FUT8: variants seen among roughly 807,000 people sequenced by gnomAD.
FUT8 encodes alpha-(1,6)-fucosyltransferase.
In FUT8, 29 loss-of-function variants were observed where a neutral mutation model predicts 71.3. That is an observed-to-expected ratio of 0.41 (90% CI 0.30 to 0.55). The LOEUF is 0.55. Ranked by LOEUF, FUT8 falls within the 20% of genes least tolerant of loss-of-function variation. The probability of loss-of-function intolerance (pLI) is 0.34; values close to 1 mark genes in which losing one functional copy is unlikely to be tolerated. For missense variants in FUT8, 544 were observed against 702.1 expected (o/e 0.77, Z 2.55); for synonymous variants, 254 against 239.3 (o/e 1.06, Z -0.57).
chr14:65,557,285 G>A (rs546567370), intron 2 of FUT8, among the ~76,000 whole-genome samples: 55 of 151,326 alleles, frequency 3.6e-4, no homozygotes, highest in African/African-American at 1.3e-3. Context: ...CCTTAAAAAG[G>A]TGATATCAAT....
Position 65,587,995 on chromosome 14 carries a change from A to T in FUT8, c.203+26229A>T, listed in dbSNP as rs1887483009. Among the ~76,000 whole-genome samples, 4 of 152,370 alleles carry T rather than the reference A, an allele frequency of 2.6e-5. No homozygotes were observed. The South Asian group carries it at 6.2e-4, about 24-fold the overall frequency. On this transcript the variant is annotated intron_variant, in intron 3 of 10. Transcript: ENST00000673929. ...ATCCATTTTTACTGATAATTAATGT[A>T]TTCACTTGTGTTCTGAAGAAATTTG... is the stretch of plus-strand genomic sequence containing the variant.
chr14:65,403,078 G>A, the FUT8 span, among the ~76,000 whole-genome samples: 6 of 152,080 alleles, frequency 3.9e-5, no homozygotes, highest in Non-Finnish European at 7.4e-5. Context: ...TCTTGATTTT[G>A]GATTTAGATC....
Position 65,616,026 on chromosome 14 carries a change from C to A in FUT8, c.252C>A (p.Arg84=). Reference sequence around the variant, plus strand: ...AGGGGCCAGCTATAGGAAGAGTACGCGTTTTAGAAGAGCAGCTTGTTAAGG... The same window carrying A: ...AGGGGCCAGCTATAGGAAGAGTACGAGTTTTAGAAGAGCAGCTTGTTAAGG... ...IDQGPAIGRV[R]VLEEQLVKAK... is the part of the protein sequence containing the mutation. The change falls in exon 4 of 11, where the codon CGC becomes CGA. Residue 84 remains arginine, a synonymous_variant. Transcript: ENST00000673929. The A allele has an allele frequency of 1.2e-6, 2 of 1,613,948 alleles. No homozygotes were observed. Among genetic ancestry groups the A allele is most frequent in the African/African-American group, 1.3e-5 (1 of 75,022 alleles).
Position 65,550,852 on chromosome 14 carries a change from T to G in FUT8, c.-227-10485T>G, listed in dbSNP as rs2140002900. Reference sequence around the variant, plus strand: ...TATTTTTGGCAAAGTAATTAATACTTTATTCAACTGTACTTCTGTTGATGG... The same window carrying G: ...TATTTTTGGCAAAGTAATTAATACTGTATTCAACTGTACTTCTGTTGATGG... On this transcript the variant is annotated intron_variant, in intron 2 of 10. Transcript: ENST00000673929. The surrounding 1 kb of genome is among the most constrained non-coding windows in gnomAD (Gnocchi z 4.5). 6.6e-6 allele frequency among the ~76,000 whole-genome samples: 1 copy of G among 152,330 alleles called. No homozygotes were observed. The highest frequency in any genetic ancestry group is 2.1e-4 in the South Asian group (1 of 4,832).
At chr14:65,565,313 G>A (rs1886133004) in intron 3 of FUT8, among the ~76,000 whole-genome samples, 1 of 151,738 alleles carries the variant, frequency 6.6e-6, no homozygotes, top group South Asian at 2.1e-4. Context: ...ATACTGCCAT[G>A]TTGGGGATCA....
intron 3 of FUT8, among the ~76,000 whole-genome samples, chr14:65,572,847 T>G (rs1197014251): frequency 6.6e-6 from 1 of 152,160 alleles, no homozygotes; most frequent in Non-Finnish European, 1.5e-5. Flanking sequence ...CTATTATAGC[T>G]AGAGACTTCA....
chr14:65,565,397 A>T (rs1403520740), intron 3 of FUT8, among the ~76,000 whole-genome samples: 2 of 151,174 alleles, frequency 1.3e-5, no homozygotes, highest in African/African-American at 2.4e-5. Context: ...TTTTTTTTTA[A>T]TCCATTCACC....
At chr14:65,455,992 A>T (rs1219073262) in intron 2 of FUT8, among the ~76,000 whole-genome samples, 2 of 152,212 alleles carry the variant, frequency 1.3e-5, no homozygotes, top group Non-Finnish European at 2.9e-5. Context: ...TTGTGGTTGA[A>T]TGCGGTACAC....
intron 1 of FUT8, among the ~76,000 whole-genome samples, chr14:65,446,248 T>C (rs2139513674): frequency 6.6e-6 from 1 of 152,356 alleles, no homozygotes; most frequent in South Asian, 2.1e-4. Flanking sequence ...TGCATTCTGC[T>C]GATTGCATAC....
At chr14:65,484,510 T>C (rs2066379984) in intron 2 of FUT8, among the ~76,000 whole-genome samples, 1 of 152,090 alleles carries the variant, frequency 6.6e-6, no homozygotes, top group African/African-American at 2.4e-5. Context: ...TGTTTGTTTT[T>C]TTTAAAGTTT....
intron 1 of FUT8, among the ~76,000 whole-genome samples, chr14:65,438,254 A>G (rs945439206): frequency 6.6e-6 from 1 of 150,708 alleles, no homozygotes; most frequent in Non-Finnish European, 1.5e-5. Context: ...ACCTGTTACA[A>G]CAGAAATTAG....
intron 2 of FUT8, among the ~76,000 whole-genome samples, chr14:65,486,619 G>A (rs1256742558): frequency 6.6e-6 from 1 of 152,214 alleles, no homozygotes; most frequent in Non-Finnish European, 1.5e-5. Context: ...GATGGTAGCT[G>A]GAGCTAGGGC....
chr14:65,735,156 C>T (rs1215726300), intron 10 of FUT8, among the ~76,000 whole-genome samples: 2 of 152,104 alleles, frequency 1.3e-5, no homozygotes, highest in Non-Finnish European at 2.9e-5. Context: ...TTTCTTCTCC[C>T]AATCCTCCTT....
intron 6 of FUT8, among the ~76,000 whole-genome samples, chr14:65,646,826 AC>A (rs1891147000): frequency 6.6e-6 from 1 of 152,232 alleles, no homozygotes; most frequent in Non-Finnish European, 1.5e-5. Context: ...GCATACAAAT[AC>A]ATCTCTGTGC....
rs1464117610 is a variant in FUT8, at chr14:65,627,533, A to C, written c.483-1959A>C. Among the ~76,000 whole-genome samples, 1 of 152,134 alleles carries C rather than the reference A, an allele frequency of 6.6e-6. No homozygotes were observed. The highest frequency in any genetic ancestry group is 2.4e-5 in the African/African-American group (1 of 41,416). Reference sequence around the variant, plus strand: ...ATATTGCTATGGTTCCGGGGTTTGCATTTCTTCTTACCTGATTTTTCCTTG... The same window carrying C: ...ATATTGCTATGGTTCCGGGGTTTGCCTTTCTTCTTACCTGATTTTTCCTTG... On this transcript the variant is annotated intron_variant, in intron 5 of 10. Coordinates refer to ENST00000673929, the MANE Select transcript of FUT8 (RefSeq NM_001371533.1). This position sits in a 1 kb window ranked among gnomAD's most constrained non-coding sequence, Gnocchi z 4.0.
chr14:65,613,089 T>G (rs980299625), intron 3 of FUT8, among the ~76,000 whole-genome samples: 8 of 152,104 alleles, frequency 5.3e-5, no homozygotes, highest in African/African-American at 1.7e-4. Flanking sequence ...GCAATATGGA[T>G]TACTAATTCC....
At chr14:65,410,451 A>G (rs2065110392), upstream of FUT8, 1 of 152,264 alleles carries the variant, frequency 6.6e-6, no homozygotes, top group Non-Finnish European at 1.5e-5. Context: ...AGCAGACTTC[A>G]AAACCACTGA....
At chr14:65,686,793 T>C (rs1378873750) in intron 7 of FUT8, among the ~76,000 whole-genome samples, 2 of 152,208 alleles carry the variant, frequency 1.3e-5, no homozygotes, top group Non-Finnish European at 2.9e-5. Context: ...TTTCCACTTT[T>C]ATCAAATTAG....
chr14:65,582,648 GCTC>G (rs1887155271), intron 3 of FUT8, among the ~76,000 whole-genome samples: 1 of 152,136 alleles, frequency 6.6e-6, no homozygotes, highest in African/African-American at 2.4e-5. Flanking sequence ...GCCATGGCCT[GCTC>G]CTGTCATTGT....
Sources: gnomAD v4.1 joint callset for allele counts (sites outside exome capture counted in the v4.1 genomes callset) on GRCh38, gnomAD v4.1.1 for gene constraint, Gnocchi (gnomAD v3.1) non-coding constraint, MANE v1.5 for transcripts, NCBI Gene and HGNC (gene_info 2026-07-23, HGNC 2026-07-21) for gene names.